Variants in BUD13 observed in about 807,000 individuals in gnomAD.
The protein encoded by BUD13 is BUD13 spliceosome associated protein.
BUD13 carries 47 observed loss-of-function variants against 62.5 expected under a neutral mutation model. That is an observed-to-expected ratio of 0.75 (90% CI 0.60 to 0.96). BUD13 has a LOEUF of 0.96. Among genes scored for constraint, BUD13 ranks in the 40% least tolerant of loss-of-function variants. The pLI is 0.00. For synonymous variants in BUD13, 293 were observed against 280.1 expected (o/e 1.05, Z -0.46); for missense variants, 821 against 790.9 (o/e 1.04, Z -0.46).
chr11:116,767,158 A>G (rs571863445), intron 2 of BUD13, among the ~76,000 whole-genome samples: 1 of 152,022 alleles, frequency 6.6e-6, no homozygotes, highest in Admixed American at 6.6e-5. Flanking sequence ...ACTGCACTCC[A>G]GCGTTGGTGA....
At chr11:116,764,961 G>C (rs1260562181) in intron 3 of BUD13, among the ~76,000 whole-genome samples, 1 of 152,150 alleles carries the variant, frequency 6.6e-6, no homozygotes, top group African/African-American at 2.4e-5. Flanking sequence ...ACTGGTCCTT[G>C]ACCCCCCAGA....
intron 1 of BUD13, among the ~76,000 whole-genome samples, chr11:116,771,273 T>C (rs1349515297): frequency 6.6e-6 from 1 of 152,236 alleles, no homozygotes; most frequent in African/African-American, 2.4e-5. Flanking sequence ...GTGTAATTAG[T>C]TGCTTAAAGC....
intron 2 of BUD13, among the ~76,000 whole-genome samples, chr11:116,769,775 G>A (rs924196310): frequency 6.6e-6 from 1 of 152,190 alleles, no homozygotes; most frequent in African/African-American, 2.4e-5. Context: ...AGCTTGGCCT[G>A]GCACAATGGC....
At position 116,762,745 on chromosome 11, in the gene BUD13, G is replaced by C; in HGVS notation, c.844C>G (p.Leu282Val). The part of the protein sequence containing the change: ...PDLAPNVTYS[L>V]PRTKSGKAPE... ...GCTTTACCACTTTTGGTTCTGGGCA[G>C]GGAATAAGTGACATTAGGAGCCAAA... Residue 282 changes from leucine (L) to valine (V), a missense_variant, in exon 4 of 10, where the codon CTG becomes GTG. Leu to Val is a conservative substitution (Grantham distance 32). Around this residue, in one of 2 missense-constraint regions of BUD13, gnomAD observed 800 missense variants for 739.2 expected, o/e 1.08. Transcript: ENST00000260210. The C allele has an allele frequency of 6.2e-7, 1 of 1,614,178 alleles. No homozygotes were observed. Among genetic ancestry groups the C allele is most frequent in the South Asian group, 1.1e-5 (1 of 91,082 alleles).
chr11:116,771,980 A>T lies in BUD13; in HGVS notation c.143+842T>A, dbSNP rs868638138. Among the ~76,000 whole-genome samples the T allele has an allele frequency of 4.6e-5, 7 of 152,332 alleles. No homozygotes were observed. In the South Asian group the frequency reaches 1.0e-3, roughly 23 times the overall value. On this transcript the variant is annotated intron_variant, in intron 1 of 9. Coordinates refer to ENST00000260210, the MANE Select transcript of BUD13 (RefSeq NM_032725.4). ...CCTCTCCCAGCTTCTGGTAGCCCCAAGCATACCTTGGCTTTTGGCAACATA... is the reference window on the plus strand; with the variant it reads ...CCTCTCCCAGCTTCTGGTAGCCCCATGCATACCTTGGCTTTTGGCAACATA...
At chr11:116,749,016 AAAAAG>A (rs1386743493) in intron 9 of BUD13, among the ~76,000 whole-genome samples, 1 of 151,244 alleles carries the variant, frequency 6.6e-6, no homozygotes, top group Non-Finnish European at 1.5e-5. Flanking sequence ...GAAAGAAACA[AAAAAG>A]AAAAGAAAAT....
intron 9 of BUD13, among the ~76,000 whole-genome samples, chr11:116,756,427 G>A (rs900074167): frequency 6.6e-6 from 1 of 151,554 alleles, no homozygotes; most frequent in Non-Finnish European, 1.5e-5. Flanking sequence ...CAGGAGAATC[G>A]CTTGAACCCA....
At chr11:116,767,742 G>A (rs1056699453) in intron 2 of BUD13, among the ~76,000 whole-genome samples, 9 of 151,890 alleles carry the variant, frequency 5.9e-5, no homozygotes, top group Non-Finnish European at 1.2e-4. Flanking sequence ...AGGAGGCCTA[G>A]GCAGGAGGAT....
intron 9 of BUD13, among the ~76,000 whole-genome samples, chr11:116,750,020 A>C (rs1268788792): frequency 6.6e-6 from 1 of 152,224 alleles, no homozygotes; most frequent in Non-Finnish European, 1.5e-5. Flanking sequence ...AAATCTCTCA[A>C]GTCTAAATCA....
chr11:116,759,285 A>T, intron 5 of BUD13, 106 bp from the exon 6 acceptor site: 1 of 702,544 alleles, frequency 1.4e-6, no homozygotes, highest in East Asian at 2.6e-5. Context: ...GCAATAATTA[A>T]ACCTAAAACT....
At chr11:116,748,791 G>T (rs1304766149) in intron 9 of BUD13, among the ~76,000 whole-genome samples, 1 of 152,014 alleles carries the variant, frequency 6.6e-6, no homozygotes, top group Non-Finnish European at 1.5e-5. Context: ...TTCAAGACCA[G>T]CCTGCCTAAT....
intron 6 of BUD13, 58 bp from the exon 7 acceptor site, chr11:116,758,465 A>T (rs1045786646): frequency 3.2e-6 from 5 of 1,581,648 alleles, no homozygotes; most frequent in Non-Finnish European, 4.3e-6. Context: ...ACATTCTAAG[A>T]GATCAAATCA....
At chr11:116,763,346 G>A in intron 3 of BUD13, 80 bp from the exon 4 acceptor site, 1 of 1,305,836 alleles carries the variant, frequency 7.7e-7, no homozygotes, top group Non-Finnish European at 1.0e-6. Context: ...TTCAAAAGAT[G>A]CTCCAGTAGC....
At position 116,757,867 on chromosome 11, in the gene BUD13, T is replaced by C; in HGVS notation, c.1583A>G (p.Asp528Gly). The C allele has an allele frequency of 6.2e-7, 1 of 1,614,224 alleles. No homozygotes were observed. The highest frequency in any genetic ancestry group is 1.1e-5 in the South Asian group (1 of 91,088). Residue 528 changes from aspartate (D) to glycine (G), a missense_variant, in exon 8 of 10, where the codon GAC (aspartate) becomes GGC (glycine). Physicochemically the swap from Asp to Gly is moderately conservative, Grantham distance 94. This residue lies in a region of BUD13 where 800 missense variants were observed against 739.2 expected (regional missense o/e 1.08). Coordinates refer to ENST00000260210, the MANE Select transcript of BUD13 (RefSeq NM_032725.4). ...TCTTAGCATCCTATCCAGATCTTCG[T>C]CATCAATATAGCGGGCCAGAGGCTT... is the stretch of plus-strand genomic sequence containing the variant. Reference protein sequence around the residue: ...MQKPLARYIDDEDLDRMLREQ... With the variant: ...MQKPLARYIDGEDLDRMLREQ...
At chr11:116,772,749 C>A in intron 1 of BUD13, 73 bp downstream of exon 1, 1 of 1,426,370 alleles carries the variant, frequency 7.0e-7, no homozygotes, top group African/African-American at 1.5e-5. Flanking sequence ...AAGGAACTGC[C>A]GGGCGGCCGA....
intron 9 of BUD13, among the ~76,000 whole-genome samples, 185 bp from the exon 10 acceptor site, chr11:116,748,760 G>A (rs1222472019): frequency 6.6e-6 from 1 of 152,206 alleles, no homozygotes; most frequent in African/African-American, 2.4e-5. Context: ...GGCCAAGGCG[G>A]GTAGATCACG....
intron 6 of BUD13, 32 bp downstream of exon 6, chr11:116,759,042 C>T: frequency 6.6e-7 from 1 of 1,509,388 alleles, no homozygotes; most frequent in South Asian, 1.2e-5. Context: ...CAGTATGAGC[C>T]TAAATTGGTC....
In BUD13 at chr11:116,748,410, AC is replaced by A; in HGVS notation, c.*71del. On this transcript the variant is annotated 3_prime_UTR_variant, in exon 10 of 10. Transcript: ENST00000260210. Reference sequence around the variant, plus strand: ...TGGGCTCCAATTATTAGCACAGACAACTGTTACCACTGGATATCTCGCTGCC... The same window carrying A: ...TGGGCTCCAATTATTAGCACAGACAATGTTACCACTGGATATCTCGCTGCC... 7.4e-7 allele frequency: 1 copy of A among 1,351,084 alleles called. No homozygotes were observed. Among genetic ancestry groups the A allele is most frequent in the Non-Finnish European group, 1.1e-6 (1 of 943,946 alleles). 83.7% of individuals were successfully genotyped at this position (1,351,084 alleles called of 1,614,324 possible).
intron 9 of BUD13, among the ~76,000 whole-genome samples, chr11:116,751,256 C>T (rs79112951): frequency 0.025 from 3,820 of 152,344 alleles, 80 homozygotes; most frequent in Non-Finnish European, 0.038. Context: ...GTACCTACTA[C>T]CTAGCTGCTT....
Sources: allele counts gnomAD v4.1 joint callset (sites outside exome capture counted in the v4.1 genomes callset), GRCh38; gene constraint gnomAD v4.1.1; regional missense constraint gnomAD v4.1.1; transcripts MANE v1.5; gene names NCBI Gene and HGNC (gene_info 2026-07-23, HGNC 2026-07-21).